Variants in CDADC1 observed in about 807,000 individuals in gnomAD.
The protein encoded by CDADC1 is dCTP deaminase.
A neutral mutation model predicts 54.9 loss-of-function variants in CDADC1; 39 were observed. That is an observed-to-expected ratio of 0.71 (90% CI 0.55 to 0.93). The LOEUF (loss-of-function observed/expected upper bound fraction) is 0.93, where lower values mean the gene tolerates loss of function less well. CDADC1 is among the 40% of genes least tolerant of loss of function. The pLI is 0.00. For synonymous variants in CDADC1, 186 were observed against 204.0 expected, an observed-to-expected ratio of 0.91 and a Z score of 0.75; for missense variants, 518 against 618.8, an observed-to-expected ratio of 0.84 and a Z score of 1.73.
At chr13:49,269,034 A>C (rs1228764875) in intron 5 of CDADC1, among the ~76,000 whole-genome samples, 1 of 152,204 alleles carries the variant, frequency 6.6e-6, no homozygotes, top group Non-Finnish European at 1.5e-5. Context: ...CACTTTTTAA[A>C]ATGCATCTTT....
intron 7 of CDADC1, 121 bp downstream of exon 7, chr13:49,278,640 T>C: frequency 1.2e-6 from 1 of 817,022 alleles, no homozygotes; most frequent in Non-Finnish European, 1.8e-6. Context: ...CTTTCAGAAG[T>C]ATAACTTTGG....
chr13:49,273,462 G>A (rs1953023274), intron 5 of CDADC1, among the ~76,000 whole-genome samples: 2 of 152,164 alleles, frequency 1.3e-5, no homozygotes, highest in African/African-American at 4.8e-5. Flanking sequence ...ACATTGTATA[G>A]AAGGAAAAAG....
At chr13:49,275,301 G>T (rs1012330092) in intron 6 of CDADC1, among the ~76,000 whole-genome samples, 8 of 151,856 alleles carry the variant, frequency 5.3e-5, no homozygotes, top group African/African-American at 1.9e-4. Context: ...GACCAGGCTG[G>T]TCTTGAACTC....
At chr13:49,286,735 A>G (rs1224985565) in intron 9 of CDADC1, among the ~76,000 whole-genome samples, 1 of 152,220 alleles carries the variant, frequency 6.6e-6, no homozygotes, top group Admixed American at 6.5e-5. Context: ...TAATCTGATT[A>G]ACTAAGAATC....
chr13:49,270,440 A>G (rs1420459979), intron 5 of CDADC1, among the ~76,000 whole-genome samples: 1 of 151,880 alleles, frequency 6.6e-6, no homozygotes, highest in Non-Finnish European at 1.5e-5. Flanking sequence ...CTGGTCTCGA[A>G]CTCCTTGGCT....
At chr13:49,272,397 T>G (rs1384075540) in intron 5 of CDADC1, among the ~76,000 whole-genome samples, 3 of 152,200 alleles carry the variant, frequency 2.0e-5, no homozygotes, top group Non-Finnish European at 2.9e-5. Context: ...CAATTTTGTT[T>G]ACACCAAAAT....
At chr13:49,265,383 G>A (rs1952792912) in intron 4 of CDADC1, among the ~76,000 whole-genome samples, 1 of 152,132 alleles carries the variant, frequency 6.6e-6, no homozygotes, top group Admixed American at 6.5e-5. Context: ...AGGCCAAAGG[G>A]CAGAACAAAC....
intron 2 of CDADC1, among the ~76,000 whole-genome samples, chr13:49,251,530 C>T (rs930813903): frequency 6.6e-6 from 1 of 151,478 alleles, no homozygotes; most frequent in Non-Finnish European, 1.5e-5. Flanking sequence ...TTTATATACA[C>T]ACCACATCCT....
chr13:49,251,912 C>T (rs1952442029), intron 2 of CDADC1, among the ~76,000 whole-genome samples: 1 of 152,166 alleles, frequency 6.6e-6, no homozygotes, highest in Admixed American at 6.5e-5. Flanking sequence ...ATCTGGTGGG[C>T]ACCATGGAAG....
At chr13:49,278,805 CCT>C (rs1359607404) in intron 7 of CDADC1, among the ~76,000 whole-genome samples, 6 of 152,096 alleles carry the variant, frequency 3.9e-5, no homozygotes, top group Non-Finnish European at 7.3e-5. Flanking sequence ...TCTTGCTCAG[CCT>C]CTCATATTTC....
intron 7 of CDADC1, among the ~76,000 whole-genome samples, chr13:49,278,827 A>G (rs1172093345): frequency 6.6e-6 from 1 of 152,152 alleles, no homozygotes; most frequent in African/African-American, 2.4e-5. Flanking sequence ...CTGGATGTTA[A>G]GGCTCCTTTG....
chr13:49,262,398 G>A lies in CDADC1; in HGVS notation c.430+2875G>A, dbSNP rs574018338. Among the ~76,000 whole-genome samples the A allele has an allele frequency of 2.0e-4, 31 of 152,216 alleles. No homozygotes were observed. In the South Asian group the frequency reaches 5.8e-3, roughly 29 times the overall value. On this transcript the variant is annotated intron_variant, in intron 4 of 9. Transcript: ENST00000251108. The stretch of plus-strand genomic sequence containing the variant: ...GCAAAGGTTGCGGTGAGCTGTGATC[G>A]TGCCTCACCAATGCACTCCAGCCTG...
At chr13:49,257,838 A>G (rs779247839) in intron 3 of CDADC1, among the ~76,000 whole-genome samples, 3 of 152,200 alleles carry the variant, frequency 2.0e-5, no homozygotes, top group Admixed American at 6.5e-5. Context: ...AAATAAACAA[A>G]CTTATTGAAA....
chr13:49,262,345 A>C (rs1384574122), intron 4 of CDADC1, among the ~76,000 whole-genome samples: 4 of 152,014 alleles, frequency 2.6e-5, no homozygotes, highest in African/African-American at 9.7e-5. Flanking sequence ...CGGGAGGCTG[A>C]GGTGGGAGGA....
intron 4 of CDADC1, among the ~76,000 whole-genome samples, chr13:49,266,491 T>C (rs1020911195): frequency 6.6e-6 from 1 of 152,208 alleles, no homozygotes; most frequent in Non-Finnish European, 1.5e-5. Flanking sequence ...GATTGAAAAA[T>C]GATCTATTTA....
chr13:49,284,799 T>C (rs535645365), intron 8 of CDADC1, among the ~76,000 whole-genome samples: 1 of 152,354 alleles, frequency 6.6e-6, no homozygotes, highest in South Asian at 2.1e-4. Flanking sequence ...GTTAATCTGA[T>C]GAGTGAACTG....
In CDADC1 at chr13:49,267,799, A is replaced by G. The variant is rs935552166; in HGVS notation, c.740A>G (p.Asn247Ser). 6.2e-7 allele frequency: 1 copy of G among 1,612,790 alleles called. No individual in the cohort carries two copies. The highest frequency in any genetic ancestry group is 1.7e-5 in the Admixed American group (1 of 59,860). Residue 247 changes from asparagine to serine, a missense_variant, in exon 5 of 10, where the codon AAT becomes AGT. Physicochemically the swap from Asn to Ser is conservative, Grantham distance 46. Coordinates refer to ENST00000251108, the MANE Select transcript of CDADC1 (RefSeq NM_030911.4). ...KEYEMLFLVS[N>S]EEMHKQILMT... ...TATGAAATGTTATTTTTGGTTTCAAATGAAGAAATGCATAAGCAAATACTG... is the reference window on the plus strand; with the variant it reads ...TATGAAATGTTATTTTTGGTTTCAAGTGAAGAAATGCATAAGCAAATACTG...
rs1391593832 is a variant in CDADC1 at position 49,292,360 on chromosome 13, G to C, written c.*603G>C. The C allele has an allele frequency of 1.0e-6, 1 of 988,568 alleles. No homozygotes were observed. Among genetic ancestry groups the C allele is most frequent in the Non-Finnish European group, 1.2e-6 (1 of 831,654 alleles). 61.2% of individuals were successfully genotyped at this position (988,568 alleles called of 1,614,324 possible). ...TAATTCTGTGGTCCTGTTTATCACA[G>C]ACTTTGGGTAGCAATAGGAAGAGAG... On this transcript the variant is annotated 3_prime_UTR_variant, in exon 10 of 10. Coordinates refer to ENST00000251108, the MANE Select transcript of CDADC1 (RefSeq NM_030911.4).
chr13:49,261,437 A>G (rs1952682896), intron 4 of CDADC1, among the ~76,000 whole-genome samples: 3 of 152,202 alleles, frequency 2.0e-5, no homozygotes. Context: ...TTGGACATGC[A>G]TTTCATCACT....
Sources: gnomAD v4.1 joint callset for allele counts (sites outside exome capture counted in the v4.1 genomes callset) on GRCh38, gnomAD v4.1.1 for gene constraint, MANE v1.5 for transcripts, NCBI Gene and HGNC (gene_info 2026-07-23, HGNC 2026-07-21) for gene names.